Variants in KLHL3 observed in about 807,000 individuals in gnomAD.
The protein encoded by KLHL3 is kelch like family member 3.
In KLHL3, 19 loss-of-function variants were observed where a neutral mutation model predicts 70.5. That is an observed-to-expected ratio of 0.27 (90% CI 0.19 to 0.40). KLHL3 has a LOEUF of 0.40. Ranked by LOEUF, KLHL3 falls within the 10% of genes least tolerant of loss-of-function variation. The pLI is 1.00. For missense variants in KLHL3, 512 were observed against 771.1 expected (o/e 0.66, Z 3.98); for synonymous variants, 258 against 290.3 (o/e 0.89, Z 1.13).
intron 1 of KLHL3, among the ~76,000 whole-genome samples, 198 bp downstream of exon 1, chr5:137,735,435 C>A (rs900091590): frequency 1.3e-5 from 2 of 152,206 alleles, no homozygotes; most frequent in Non-Finnish European, 2.9e-5. Flanking sequence ...GAAGCCAGAT[C>A]TCTGGAGATT....
chr5:137,735,541 A>G lies in KLHL3; in HGVS notation c.14+92T>C. ...GTGGCCAGGTCTTCCAACTCTGCCT[A>G]GCCAATGCAAACACAAAAGCTGGTG... On this transcript the variant is annotated intron_variant, in intron 1 of 14. Coordinates refer to ENST00000309755, the MANE Select transcript of KLHL3 (RefSeq NM_017415.3). 9.2e-6 allele frequency: 9 copies of G among 981,462 alleles called. No individual in the cohort carries two copies. The South Asian group carries it at 1.2e-4, about 13-fold the overall frequency. 60.8% of individuals were successfully genotyped at this position (981,462 alleles called of 1,614,324 possible).
Position 137,618,894 on chromosome 5 carries a change from T to TAAAAAAAAAAAAA in KLHL3, c.*3191_*3203dup, listed in dbSNP as rs1045906480. ...CAGACTCCCTTGAATATGGTATTTT[T>TAAAAAAAAAAAAA]AAAAAAAAAAAAAAGGCTCATCTAC... On this transcript the variant is annotated 3_prime_UTR_variant, in exon 15 of 15. Coordinates refer to ENST00000309755, the MANE Select transcript of KLHL3 (RefSeq NM_017415.3). 3.4e-5 allele frequency: 5 copies of TAAAAAAAAAAAAA among 146,246 alleles called. 2 individuals carry two copies. 9.1% of individuals were successfully genotyped at this position (146,246 alleles called of 1,614,324 possible).
At position 137,618,080 on chromosome 5, in the gene KLHL3, C is replaced by T. The variant is rs1244488713; in HGVS notation, c.*4018G>A. The T allele has an allele frequency of 6.6e-6, 1 of 152,598 alleles. No individual in the cohort carries two copies. Among genetic ancestry groups the T allele is most frequent in the Non-Finnish European group, 1.5e-5 (1 of 68,058 alleles). The allele number at this position is 152,598 out of a possible 1,614,324, so 9.5% of individuals were successfully genotyped here. ...CTACAGAAGAAATCTCTTCCATTCC[C>T]AAATGCTGGAAGTGCTGCTGGCTCT... On this transcript the variant is annotated 3_prime_UTR_variant, in exon 15 of 15. Coordinates refer to ENST00000309755, the MANE Select transcript of KLHL3 (RefSeq NM_017415.3).
At position 137,692,384 on chromosome 5, in the gene KLHL3, G is replaced by A; in HGVS notation, c.427C>T (p.Leu143=). The change falls in exon 5 of 15, where the codon CTG becomes TTG. Residue 143 remains leucine (L), a synonymous_variant. Transcript: ENST00000309755. ...TTGGTGGGATGCAACTGAGACTGCAGGAAGTCACAGCAGTTCTGCCGAACA... is the reference window on the plus strand; with the variant it reads ...TTGGTGGGATGCAACTGAGACTGCAAGAAGTCACAGCAGTTCTGCCGAACA... ...MDVRQNCCDF[L]QSQLHPTNCL... 1 of 1,614,038 alleles carries A rather than the reference G, an allele frequency of 6.2e-7. No homozygotes were observed. Among genetic ancestry groups the A allele is most frequent in the Non-Finnish European group, 8.5e-7 (1 of 1,180,018 alleles).
At chr5:137,695,632 C>G (rs535441183) in intron 4 of KLHL3, among the ~76,000 whole-genome samples, 12 of 152,236 alleles carry the variant, frequency 7.9e-5, no homozygotes, top group African/African-American at 2.6e-4. Flanking sequence ...CCCAGAGGCC[C>G]TGAAAGAAAA....
At chr5:137,648,393 A>G (rs1490419125) in intron 8 of KLHL3, among the ~76,000 whole-genome samples, 1 of 152,256 alleles carries the variant, frequency 6.6e-6, no homozygotes, top group African/African-American at 2.4e-5. Flanking sequence ...AAAGAGCTGA[A>G]TAGAGATGCC....
At chr5:137,635,573 T>A (rs1273995799) in intron 11 of KLHL3, among the ~76,000 whole-genome samples, 1 of 152,174 alleles carries the variant, frequency 6.6e-6, no homozygotes, top group Non-Finnish European at 1.5e-5. Context: ...ATAGCCATGG[T>A]AATGAGATGA....
chr5:137,640,587 A>T (rs182260673), intron 8 of KLHL3, among the ~76,000 whole-genome samples: 1 of 152,356 alleles, frequency 6.6e-6, no homozygotes. Flanking sequence ...ACTTGTCACC[A>T]CAACTGTGAG....
intron 3 of KLHL3, among the ~76,000 whole-genome samples, chr5:137,703,158 A>G (rs1454323822): frequency 1.3e-5 from 2 of 152,076 alleles, no homozygotes; most frequent in African/African-American, 4.8e-5. Flanking sequence ...CTACATAGTT[A>G]TATGTCCTTA....
intron 6 of KLHL3, among the ~76,000 whole-genome samples, chr5:137,663,396 T>C (rs556428237): frequency 2.0e-5 from 3 of 152,100 alleles, no homozygotes; most frequent in South Asian, 4.2e-4. Context: ...GATACCAACA[T>C]CTGCCAATGC....
At chr5:137,671,929 T>C (rs898693553) in intron 6 of KLHL3, 6 of 152,144 alleles carry the variant, frequency 3.9e-5, no homozygotes, top group Non-Finnish European at 8.8e-5. Context: ...TACTTCTCCA[T>C]GAACTTACTT....
In KLHL3 at chr5:137,628,343, A is replaced by G. The variant is rs1750536062; in HGVS notation, c.1545T>C (p.Asn515=). The G allele has an allele frequency of 3.1e-6, 5 of 1,614,062 alleles. No homozygotes were observed. The highest frequency in any genetic ancestry group is 2.2e-5 in the South Asian group (2 of 91,074). The change falls in exon 13 of 15, where the codon AAT becomes AAC. Residue 515 remains asparagine, a synonymous_variant. Transcript: ENST00000309755. ...KSVEVYDPGT[N]TWKQVADMNM... ...TCATGTCTGCCACTTGCTTCCAGGTATTTGTTCCAGGATCGTAAACCTCAA... is the reference window on the plus strand; with the variant it reads ...TCATGTCTGCCACTTGCTTCCAGGTGTTTGTTCCAGGATCGTAAACCTCAA...
intron 3 of KLHL3, among the ~76,000 whole-genome samples, chr5:137,708,796 G>A (rs1752732998): frequency 2.0e-5 from 3 of 152,200 alleles, no homozygotes; most frequent in Admixed American, 1.3e-4. Context: ...AGGATAAAAA[G>A]CAGTCAGTTA....
intron 5 of KLHL3, among the ~76,000 whole-genome samples, chr5:137,688,423 A>T (rs1752240635): frequency 1.3e-5 from 2 of 152,306 alleles, no homozygotes; most frequent in South Asian, 4.1e-4. Context: ...AGAAGAAGAC[A>T]CCCACATGGC....
rs1051402019 is a variant in KLHL3, at chr5:137,736,028, C to T, written c.-382G>A. ...TTCCTCTGCATCTGCCCAGGCATCC[C>T]CAGCCCAGGCGATTAGCCCGCCCCT... is the stretch of plus-strand genomic sequence containing the variant. On this transcript the variant is annotated 5_prime_UTR_variant, in exon 1 of 15. Coordinates refer to ENST00000309755, the MANE Select transcript of KLHL3 (RefSeq NM_017415.3). 4.4e-5 allele frequency: 16 copies of T among 361,188 alleles called. No homozygotes were observed. Among genetic ancestry groups the T allele is most frequent in the Non-Finnish European group, 6.4e-5 (12 of 186,738 alleles). 22.4% of individuals were successfully genotyped at this position (361,188 alleles called of 1,614,324 possible). A position where few individuals can be genotyped will look rare whatever the true frequency, so the allele number is the denominator to read the frequency against.
chr5:137,720,352 TG>T, intron 2 of KLHL3, 112 bp downstream of exon 2: 1 of 1,272,640 alleles, frequency 7.9e-7, no homozygotes, highest in Non-Finnish European at 1.1e-6. Flanking sequence ...TAAGAATGGA[TG>T]GAAAGAGTCA....
intron 2 of KLHL3, among the ~76,000 whole-genome samples, chr5:137,715,492 C>A (rs1752876019): frequency 6.6e-6 from 1 of 152,198 alleles, no homozygotes; most frequent in Non-Finnish European, 1.5e-5. Context: ...CTCCCTGCCT[C>A]CCCTTTCCAC....
At chr5:137,640,232 G>A (rs1469955559) in intron 8 of KLHL3, among the ~76,000 whole-genome samples, 2 of 152,208 alleles carry the variant, frequency 1.3e-5, no homozygotes, top group African/African-American at 4.8e-5. Flanking sequence ...GCTATCTTGT[G>A]GGTATGTGAA....
intron 1 of KLHL3, among the ~76,000 whole-genome samples, chr5:137,722,795 T>C (rs1221420266): frequency 1.3e-5 from 2 of 152,158 alleles, no homozygotes; most frequent in African/African-American, 2.4e-5. Context: ...GCCTCTCAAG[T>C]AGCTGGGATT....
Sources: allele counts gnomAD v4.1 joint callset (sites outside exome capture counted in the v4.1 genomes callset), GRCh38; gene constraint gnomAD v4.1.1; transcripts MANE v1.5; gene names NCBI Gene and HGNC (gene_info 2026-07-23, HGNC 2026-07-21).